HPSE2: variants seen among roughly 807,000 people sequenced by gnomAD.
HPSE2 encodes heparanase 2 (inactive).
HPSE2 carries 38 observed loss-of-function variants against 60.5 expected under a neutral mutation model. That is an observed-to-expected ratio of 0.63 (90% CI 0.48 to 0.82). The LOEUF (loss-of-function observed/expected upper bound fraction) is 0.82, where lower values mean the gene tolerates loss of function less well. Ranked by LOEUF, HPSE2 falls within the 40% of genes least tolerant of loss-of-function variation. The probability of loss-of-function intolerance (pLI) is 0.00; values close to 1 mark genes in which losing one functional copy is unlikely to be tolerated. For missense variants in HPSE2, 713 were observed against 740.4 expected, an observed-to-expected ratio of 0.96 and a Z score of 0.43; for synonymous variants, 295 against 293.2, an observed-to-expected ratio of 1.01 and a Z score of -0.06.
At chr10:98,706,892 A>G (rs993963116) in intron 5 of HPSE2, among the ~76,000 whole-genome samples, 4 of 152,204 alleles carry the variant, frequency 2.6e-5, no homozygotes, top group Non-Finnish European at 5.9e-5. Flanking sequence ...TTGTATGATT[A>G]GCACCCAACA....
At chr10:99,076,723 T>C (rs1202535306) in intron 3 of HPSE2, among the ~76,000 whole-genome samples, 1 of 152,216 alleles carries the variant, frequency 6.6e-6, no homozygotes, top group Non-Finnish European at 1.5e-5. Context: ...GCTTTTACAC[T>C]AGAGTTAAAA....
At chr10:98,601,283 T>C (rs1304654796) in intron 9 of HPSE2, among the ~76,000 whole-genome samples, 1 of 152,208 alleles carries the variant, frequency 6.6e-6, no homozygotes, top group Non-Finnish European at 1.5e-5. Context: ...CATAGAAATA[T>C]CTAGAATAAT....
intron 3 of HPSE2, among the ~76,000 whole-genome samples, chr10:98,772,851 G>A (rs955073101): frequency 6.6e-6 from 1 of 152,160 alleles, no homozygotes. Context: ...TGATATGAGA[G>A]TTATTGCTAG....
intron 2 of HPSE2, among the ~76,000 whole-genome samples, chr10:99,157,333 G>A (rs1452671529): frequency 6.3e-5 from 5 of 79,608 alleles, no homozygotes; most frequent in South Asian, 1.0e-3. Flanking sequence ...GAGGCATCAC[G>A]CTACCTGACT....
intron 3 of HPSE2, among the ~76,000 whole-genome samples, chr10:98,809,882 C>T (rs190629697): frequency 3.3e-5 from 5 of 152,174 alleles, no homozygotes; most frequent in African/African-American, 4.8e-5. Context: ...TCTGGGACTG[C>T]CTTCTGTTAC....
chr10:98,682,107 C>T (rs754645593), intron 6 of HPSE2, among the ~76,000 whole-genome samples: 12 of 152,080 alleles, frequency 7.9e-5, no homozygotes, highest in African/African-American at 2.4e-4. Flanking sequence ...ATCATGGGGG[C>T]GGATTTCTCA....
intron 3 of HPSE2, among the ~76,000 whole-genome samples, chr10:98,844,993 T>C (rs1468103730): frequency 1.3e-5 from 2 of 152,208 alleles, no homozygotes; most frequent in Non-Finnish European, 2.9e-5. Flanking sequence ...AGCTGTTAAA[T>C]GCCATTAAGA....
chr10:98,868,447 A>G (rs1952648695), intron 3 of HPSE2, among the ~76,000 whole-genome samples: 1 of 152,136 alleles, frequency 6.6e-6, no homozygotes, highest in South Asian at 2.1e-4. Flanking sequence ...ATAGCACAAC[A>G]GGGTTCTGTA....
intron 9 of HPSE2, among the ~76,000 whole-genome samples, chr10:98,581,709 G>A (rs987382134): frequency 1.3e-4 from 20 of 152,018 alleles, no homozygotes; most frequent in Admixed American, 1.1e-3. Flanking sequence ...ATTATAAAAC[G>A]AAATAAAAGT....
intron 3 of HPSE2, among the ~76,000 whole-genome samples, chr10:98,883,431 T>C (rs1358967681): frequency 6.6e-6 from 1 of 152,120 alleles, no homozygotes; most frequent in Non-Finnish European, 1.5e-5. Context: ...TGTAAGTTAA[T>C]AACAGCTTTT....
rs964916342 is a variant in HPSE2 at position 99,126,500 on chromosome 10, T to C, written c.610+17738A>G. The stretch of plus-strand genomic sequence containing the variant: ...TCCTTACTACTGTTGCAGCTGGTGC[T>C]CTCTTGAAAGTGCCACCTTCTGGCT... On this transcript the variant is annotated intron_variant, in intron 3 of 11. Coordinates refer to ENST00000370552, the MANE Select transcript of HPSE2 (RefSeq NM_021828.5). The surrounding 1 kb of genome is among the most constrained non-coding windows in gnomAD (Gnocchi z 4.0). Among the ~76,000 whole-genome samples the C allele has an allele frequency of 6.6e-6, 1 of 151,312 alleles. No individual in the cohort carries two copies. The highest frequency in any genetic ancestry group is 2.4e-5 in the African/African-American group (1 of 41,076).
intron 3 of HPSE2, among the ~76,000 whole-genome samples, chr10:98,897,647 A>G (rs1953532487): frequency 6.6e-6 from 1 of 152,124 alleles, no homozygotes; most frequent in Middle Eastern, 3.2e-3. Context: ...TGGGACATCC[A>G]TATGCAATAA....
Position 98,473,056 on chromosome 10 carries a change from CT to C in HPSE2, c.1613+9579del, listed in dbSNP as rs926602907. ...AAGAATAGAAATTAACATAAGAATA[CT>C]TTTTTTATTATGGAGTTGGCAAAGA... On this transcript the variant is annotated intron_variant, in intron 11 of 11. Transcript: ENST00000370552. Among the ~76,000 whole-genome samples the C allele has an allele frequency of 3.9e-5, 6 of 152,024 alleles. No individual in the cohort carries two copies. The East Asian group carries it at 9.6e-4, about 24-fold the overall frequency.
In HPSE2 at chr10:98,459,271, G is replaced by C; in HGVS notation, c.*303C>G. 1 of 405,210 alleles carries C rather than the reference G, an allele frequency of 2.5e-6. No homozygotes were observed. Among genetic ancestry groups the C allele is most frequent in the Non-Finnish European group, 4.7e-6 (1 of 214,548 alleles). 25.1% of individuals were successfully genotyped at this position (405,210 alleles called of 1,614,324 possible). On this transcript the variant is annotated 3_prime_UTR_variant, in exon 12 of 12. Transcript: ENST00000370552. The stretch of plus-strand genomic sequence containing the variant: ...AGTTGTCTGGAAACATTTCTCCTGG[G>C]AGTGTGCTGTCAGCTCGTTTTCATA...
At chr10:98,818,751 G>A (rs891662068) in intron 3 of HPSE2, among the ~76,000 whole-genome samples, 3 of 152,086 alleles carry the variant, frequency 2.0e-5, no homozygotes, top group East Asian at 1.9e-4. Flanking sequence ...ACATGAAATC[G>A]TTATCAAGGA....
At chr10:98,473,536 A>AAGAG (rs1185745741) in intron 11 of HPSE2, among the ~76,000 whole-genome samples, 4 of 150,770 alleles carry the variant, frequency 2.7e-5, no homozygotes, top group African/African-American at 9.8e-5. Context: ...GAGAGAGAGA[A>AAGAG]AGAAAGAAAG....
At chr10:98,609,599 G>A (rs972028220) in intron 9 of HPSE2, among the ~76,000 whole-genome samples, 2 of 152,246 alleles carry the variant, frequency 1.3e-5, no homozygotes, top group South Asian at 2.1e-4. Flanking sequence ...CTACATGTAT[G>A]TATATATACC....
intron 7 of HPSE2, among the ~76,000 whole-genome samples, chr10:98,628,070 G>GT (rs1946264634): frequency 6.6e-6 from 1 of 152,164 alleles, no homozygotes; most frequent in Non-Finnish European, 1.5e-5. Context: ...TATATGAAAT[G>GT]TTTTTTGGGG....
intron 3 of HPSE2, among the ~76,000 whole-genome samples, chr10:99,015,631 A>C (rs1252425254): frequency 6.6e-6 from 1 of 151,710 alleles, no homozygotes; most frequent in Non-Finnish European, 1.5e-5. Context: ...GAACACATGG[A>C]CACAGGAAGG....
Sources: gnomAD v4.1 joint callset for allele counts (sites outside exome capture counted in the v4.1 genomes callset) on GRCh38, gnomAD v4.1.1 for gene constraint, Gnocchi (gnomAD v3.1) non-coding constraint, MANE v1.5 for transcripts, NCBI Gene and HGNC (gene_info 2026-07-23, HGNC 2026-07-21) for gene names.